Variants in SGPP2 observed in about 807,000 individuals in gnomAD.
SGPP2 encodes the protein sphingosine 1-phosphate phosphohydrolase 2.
In SGPP2, 30 loss-of-function variants were observed where a neutral mutation model predicts 33.9. The ratio of observed to expected loss-of-function variants is 0.89; its 90% CI spans 0.66 to 1.20. The LOEUF (loss-of-function observed/expected upper bound fraction) is 1.20. SGPP2 is among the 50% of genes most tolerant of loss of function. The pLI is 0.00. For missense variants in SGPP2, 458 were observed against 532.1 expected, an observed-to-expected ratio of 0.86 and a Z score of 1.37; for synonymous variants, 233 against 225.0, an observed-to-expected ratio of 1.04 and a Z score of -0.32.
chr2:222,480,288 G>A (rs190672503), intron 2 of SGPP2, among the ~76,000 whole-genome samples: 19 of 152,326 alleles, frequency 1.2e-4, no homozygotes, highest in Middle Eastern at 3.4e-3. Flanking sequence ...AAATAGCAAT[G>A]CAAACATTGA....
intron 4 of SGPP2, among the ~76,000 whole-genome samples, chr2:222,541,625 TA>T (rs1698999012): frequency 6.6e-6 from 1 of 151,798 alleles, no homozygotes; most frequent in African/African-American, 2.4e-5. Context: ...TTTATTTATT[TA>T]TTTTTGAGAT....
At chr2:222,427,594 TA>T (rs199716663) in intron 1 of SGPP2, among the ~76,000 whole-genome samples, 6 of 151,288 alleles carry the variant, frequency 4.0e-5, no homozygotes, top group East Asian at 1.9e-4. Context: ...CGTTTTTCTT[TA>T]AAAAAAAATG....
At chr2:222,473,572 A>T (rs1697881385) in intron 1 of SGPP2, among the ~76,000 whole-genome samples, 1 of 152,244 alleles carries the variant, frequency 6.6e-6, no homozygotes, top group Non-Finnish European at 1.5e-5. Flanking sequence ...ACAAATATAC[A>T]GTTAGAAGAA....
chr2:222,441,336 A>G (rs779085106), intron 1 of SGPP2, among the ~76,000 whole-genome samples: 1 of 152,234 alleles, frequency 6.6e-6, no homozygotes, highest in Non-Finnish European at 1.5e-5. Flanking sequence ...CAAATATCCA[A>G]TTGTAAAAGA....
At chr2:222,471,185 C>CGGTAGTCCTG (rs1440486479) in intron 1 of SGPP2, among the ~76,000 whole-genome samples, 1 of 152,134 alleles carries the variant, frequency 6.6e-6, no homozygotes, top group Non-Finnish European at 1.5e-5. Context: ...AACTGTCTCC[C>CGGTAGTCCTG]GGTAGTCCTG....
chr2:222,424,886 G>T, intron 1 of SGPP2, 65 bp downstream of exon 1: 1 of 1,214,048 alleles, frequency 8.2e-7, no homozygotes, highest in South Asian at 2.6e-5. Context: ...GGGTCCCTGC[G>T]ACTCCGCCAC....
rs10192307 is a variant in SGPP2, at chr2:222,517,278, A to C, written c.379-4489A>C. 1.1e-3 allele frequency among the ~76,000 whole-genome samples: 165 copies of C among 152,224 alleles called. 1 individual carries two copies. Among genetic ancestry groups the C allele is most frequent in the Non-Finnish European group, 1.7e-3 (119 of 68,024 alleles). On this transcript the variant is annotated intron_variant, in intron 2 of 4. Transcript: ENST00000321276. ...ACCCCCCTATCCTGTACCCATATAA[A>C]CCCCAAATCCCAGACTCCACAGGCA...
At position 222,468,565 on chromosome 2, in the gene SGPP2, G is replaced by A. The variant is rs117780189; in HGVS notation, c.220-6003G>A. On this transcript the variant is annotated intron_variant, in intron 1 of 4. Coordinates refer to ENST00000321276, the MANE Select transcript of SGPP2 (RefSeq NM_152386.4). ...CCTTTGAAAGCTCAAAAGCTGGGCT[G>A]GCCGCCAAGTCTGCTGGGCATTCGC... Among the ~76,000 whole-genome samples, 339 of 152,260 alleles carry A rather than the reference G, an allele frequency of 2.2e-3. 4 individuals carry two copies. In the East Asian group the frequency reaches 0.035, roughly 16 times the overall value.
chr2:222,493,812 A>G (rs779476457), intron 2 of SGPP2, among the ~76,000 whole-genome samples: 2 of 152,226 alleles, frequency 1.3e-5, no homozygotes, highest in South Asian at 2.1e-4. Context: ...GGAGTGTTAC[A>G]TAAGATTTAT....
At position 222,550,960 on chromosome 2, in the gene SGPP2, G is replaced by GGTTA. The variant is rs1689283100; in HGVS notation, c.649-7387_649-7386insGTTA. ...AGGAGTGGAATCACTGGGTCTAGGT[G>GGTTA]TTTGAATATGCTGTATATTTTGTAT... On this transcript the variant is annotated intron_variant, in intron 4 of 4. Transcript: ENST00000321276. This position sits in a 1 kb window ranked among gnomAD's most constrained non-coding sequence, Gnocchi z 4.5. Among the ~76,000 whole-genome samples the GGTTA allele has an allele frequency of 1.3e-5, 2 of 151,184 alleles. No individual in the cohort carries two copies. Among genetic ancestry groups the GGTTA allele is most frequent in the African/African-American group, 4.9e-5 (2 of 40,576 alleles).
intron 4 of SGPP2, among the ~76,000 whole-genome samples, chr2:222,531,487 C>CA (rs1349088059): frequency 6.6e-6 from 1 of 152,064 alleles, no homozygotes; most frequent in Non-Finnish European, 1.5e-5. Context: ...TCATAGAGAC[C>CA]AAAATTAGAA....
Position 222,433,055 on chromosome 2 carries a change from GAGAA to G in SGPP2, c.219+8238_219+8241del, listed in dbSNP as rs1431886734. On this transcript the variant is annotated intron_variant, in intron 1 of 4. Coordinates refer to ENST00000321276, the MANE Select transcript of SGPP2 (RefSeq NM_152386.4). ...AGAGAGAAAGAAAGAAAGAAAGAGA[GAGAA>G]AGAGAGGAGAGAAGGAGGGGAGACG... is the stretch of plus-strand genomic sequence containing the variant. 3.3e-5 allele frequency among the ~76,000 whole-genome samples: 4 copies of G among 119,614 alleles called. No homozygotes were observed. In the East Asian group the frequency reaches 8.5e-4, roughly 25 times the overall value. The allele number at this position is 119,614 out of a possible 152,430, so 78.5% of individuals were successfully genotyped here.
At chr2:222,451,471 C>T (rs767946593) in intron 1 of SGPP2, among the ~76,000 whole-genome samples, 2 of 152,154 alleles carry the variant, frequency 1.3e-5, no homozygotes, top group African/African-American at 2.4e-5. Flanking sequence ...TTTGATGTGC[C>T]CAAGGCACCT....
At chr2:222,507,028 G>T (rs16863807) in intron 2 of SGPP2, among the ~76,000 whole-genome samples, 19,725 of 152,048 alleles carry the variant, frequency 0.13, 1,944 homozygotes, top group East Asian at 0.49. Context: ...CTTGGTAGGA[G>T]ACCCACAGAA....
chr2:222,425,586 T>C (rs543248963), intron 1 of SGPP2, among the ~76,000 whole-genome samples: 2 of 152,250 alleles, frequency 1.3e-5, no homozygotes, highest in Admixed American at 6.5e-5. Context: ...CACAGGGACT[T>C]TAGGCAGCAG....
chr2:222,468,869 C>T (rs1012251307), intron 1 of SGPP2, among the ~76,000 whole-genome samples: 1 of 152,174 alleles, frequency 6.6e-6, no homozygotes. Flanking sequence ...TAGAGTAGCT[C>T]TTCTGCAACC....
intron 1 of SGPP2, chr2:222,453,121 G>A (rs201851556): frequency 3.2e-5 from 10 of 313,606 alleles, no homozygotes; most frequent in Non-Finnish European, 4.5e-5. Flanking sequence ...ACTATCCTCA[G>A]ATCCATGGAG....
chr2:222,525,470 A>G (rs2106136759), intron 4 of SGPP2, among the ~76,000 whole-genome samples: 1 of 152,284 alleles, frequency 6.6e-6, no homozygotes, highest in Non-Finnish European at 1.5e-5. Context: ...AGGTCAGAGG[A>G]GCCCGGTATC....
chr2:222,443,842 C>T (rs1245219446), intron 1 of SGPP2, among the ~76,000 whole-genome samples: 1 of 152,164 alleles, frequency 6.6e-6, no homozygotes, highest in Admixed American at 6.5e-5. Context: ...GCTTCTTACA[C>T]ATCTAAAACA....
Sources: gnomAD v4.1 joint callset for allele counts (sites outside exome capture counted in the v4.1 genomes callset) on GRCh38, gnomAD v4.1.1 for gene constraint, Gnocchi (gnomAD v3.1) non-coding constraint, MANE v1.5 for transcripts, NCBI Gene and HGNC (gene_info 2026-07-23, HGNC 2026-07-21) for gene names.